The following RARA variants were observed in gnomAD, a reference collection of about 807,000 sequenced individuals.
RARA encodes the protein retinoic acid receptor alpha.
Under a neutral mutation model 42.8 loss-of-function variants are expected in RARA, and 5 were observed. The ratio of observed to expected loss-of-function variants is 0.12; its 90% CI spans 0.06 to 0.25. The LOEUF is 0.25. Among genes scored for constraint, RARA ranks in the 10% least tolerant of loss-of-function variants. RARA has a pLI of 1.00. For synonymous variants in RARA, 256 were observed against 259.5 expected (o/e 0.99, Z 0.13); for missense variants, 402 against 628.7 (o/e 0.64, Z 3.86).
rs932266587 is a variant in RARA at position 40,356,750 on chromosome 17, AT to A, written c.*531del. ...TCTCGCTGGTTTTGTTTTTATTTTA[AT>A]TTTTTTGTTTTGATTTTTTTAATAA... On this transcript the variant is annotated 3_prime_UTR_variant, in exon 9 of 9. Coordinates refer to ENST00000254066, the MANE Select transcript of RARA (RefSeq NM_000964.4). 5 of 518,548 alleles carry A rather than the reference AT, an allele frequency of 9.6e-6. No homozygotes were observed. The highest frequency in any genetic ancestry group is 3.9e-5 in the African/African-American group (2 of 50,780). The allele number at this position is 518,548 out of a possible 1,614,324, so 32.1% of individuals were successfully genotyped here.
Position 40,345,471 on chromosome 17 carries a change from G to A in RARA, c.179-2845G>A, listed in dbSNP as rs1265215928. On this transcript the variant is annotated intron_variant, in intron 2 of 8. Coordinates refer to ENST00000254066, the MANE Select transcript of RARA (RefSeq NM_000964.4). The surrounding 1 kb of genome is among the most constrained non-coding windows in gnomAD (Gnocchi z 4.8). ...CCTCCAGGAAACCGGCCCCTTGTGC[G>A]AGCCTGCGAACGGCTCGGGGGCGTG... 6.6e-6 allele frequency among the ~76,000 whole-genome samples: 1 copy of A among 152,260 alleles called. No individual in the cohort carries two copies. Among genetic ancestry groups the A allele is most frequent in the Non-Finnish European group, 1.5e-5 (1 of 68,050 alleles).
intron 1 of RARA, among the ~76,000 whole-genome samples, chr17:40,314,886 T>C (rs1348667479): frequency 1.3e-5 from 2 of 151,764 alleles, no homozygotes; most frequent in Non-Finnish European, 2.9e-5. Context: ...TGGAGGGCTA[T>C]GTGTGCAGCC....
In RARA at chr17:40,342,810, G is replaced by A. The variant is rs752986550; in HGVS notation, c.179-5506G>A. Reference sequence around the variant, plus strand: ...TTTGCTCCCAGAGAAGGGGCTCCCCGCCCCGGGTCCGTACTCCACCCCGCT... The same window carrying A: ...TTTGCTCCCAGAGAAGGGGCTCCCCACCCCGGGTCCGTACTCCACCCCGCT... On this transcript the variant is annotated intron_variant, in intron 2 of 8. Transcript: ENST00000254066. 7 of 1,612,906 alleles carry A rather than the reference G, an allele frequency of 4.3e-6. 1 individual carries two copies. The highest frequency in any genetic ancestry group is 1.7e-5 in the Admixed American group (1 of 60,012).
At chr17:40,337,516 A>C (rs988694540) in intron 2 of RARA, among the ~76,000 whole-genome samples, 5 of 152,084 alleles carry the variant, frequency 3.3e-5, no homozygotes, top group African/African-American at 1.2e-4. Flanking sequence ...CCACCCCCAA[A>C]TCTGCCCGCT....
Position 40,331,345 on chromosome 17 carries a change from A to G in RARA, c.127A>G (p.Thr43Ala). The stretch of plus-strand genomic sequence containing the variant: ...ACTCTCCCCGCCAGGCGCTCTGACC[A>G]CTCTCCAGCACCAGCTTCCAGTTAG... ...GGLSPPGALTTLQHQLPVSGY... is the reference protein window; with the variant it reads ...GGLSPPGALTALQHQLPVSGY... Residue 43 changes from threonine to alanine, a missense_variant, in exon 2 of 9, where the codon ACT becomes GCT. Physicochemically the swap from Thr to Ala is moderately conservative, Grantham distance 58. Around this residue, in one of 5 missense-constraint regions of RARA, gnomAD observed 91 missense variants for 105.2 expected, o/e 0.87. Transcript: ENST00000254066. 6.2e-7 allele frequency: 1 copy of G among 1,613,366 alleles called. No individual in the cohort carries two copies. The highest frequency in any genetic ancestry group is 1.3e-5 in the African/African-American group (1 of 74,848).
In RARA at chr17:40,356,005, G is replaced by T; in HGVS notation, c.1172-4G>T. On this transcript the variant is annotated splice_region_variant and splice_polypyrimidine_tract_variant and intron_variant, in intron 8 of 8. Coordinates refer to ENST00000254066, the MANE Select transcript of RARA (RefSeq NM_000964.4). The stretch of plus-strand genomic sequence containing the variant: ...GCTGACCTCTGCCCCCTCCTTTCCT[G>T]CAGGGGCTGAGCGGGTGATCACGCT... 1 of 1,594,266 alleles carries T rather than the reference G, an allele frequency of 6.3e-7. No individual in the cohort carries two copies. Among genetic ancestry groups the T allele is most frequent in the Admixed American group, 1.7e-5 (1 of 57,552 alleles).
chr17:40,340,471 C>G (rs1298670787), intron 2 of RARA, among the ~76,000 whole-genome samples: 2 of 152,178 alleles, frequency 1.3e-5, no homozygotes, highest in African/African-American at 4.8e-5. Flanking sequence ...AATTTTGTGC[C>G]CCATGATTCT....
Position 40,352,524 on chromosome 17 carries a change from T to C in RARA, c.807+17T>C. On this transcript the variant is annotated intron_variant, in intron 6 of 8. Coordinates refer to ENST00000254066, the MANE Select transcript of RARA (RefSeq NM_000964.4). This position sits in a 1 kb window ranked among gnomAD's most constrained non-coding sequence, Gnocchi z 4.9. ...GACATCCTGGTGAGGGTCTGCACCC[T>C]GGCCCCCAGGCACTGCCCCTGTGTC... 1 of 1,572,690 alleles carries C rather than the reference T, an allele frequency of 6.4e-7. No individual in the cohort carries two copies. Among genetic ancestry groups the C allele is most frequent in the South Asian group, 1.2e-5 (1 of 85,890 alleles).
intron 1 of RARA, among the ~76,000 whole-genome samples, chr17:40,312,301 T>C (rs1185930670): frequency 1.3e-5 from 2 of 152,188 alleles, no homozygotes; most frequent in African/African-American, 4.8e-5. Context: ...CAGGCACTTA[T>C]GGGCAGGCCT....
intron 1 of RARA, among the ~76,000 whole-genome samples, chr17:40,328,668 T>C (rs1288720541): frequency 6.6e-6 from 1 of 152,236 alleles, no homozygotes; most frequent in East Asian, 1.9e-4. Flanking sequence ...GGATATTTCA[T>C]ATAAATGGAA....
chr17:40,340,862 G>C, intron 2 of RARA: 1 of 400,192 alleles, frequency 2.5e-6, no homozygotes, highest in Non-Finnish European at 4.4e-6. Flanking sequence ...TTTGGCAGCA[G>C]GAAGTTCAAA....
rs1049189600 is a variant in RARA at position 40,341,783 on chromosome 17, G to A, written c.179-6533G>A. ...CCACCACCTCCTCCACCACGGCTTC[G>A]CTCGGCCAGGGACTGACCAAACCTT... On this transcript the variant is annotated intron_variant, in intron 2 of 8. Coordinates refer to ENST00000254066, the MANE Select transcript of RARA (RefSeq NM_000964.4). 6.2e-5 allele frequency: 80 copies of A among 1,286,624 alleles called. No individual in the cohort carries two copies. In the Middle Eastern group the frequency reaches 2.0e-3, roughly 33 times the overall value. The allele number at this position is 1,286,624 out of a possible 1,614,324, so 79.7% of individuals were successfully genotyped here. A position where few individuals can be genotyped will look rare whatever the true frequency, so the allele number is the denominator to read the frequency against.
At chr17:40,348,239 C>T (rs1483842262) in intron 2 of RARA, 77 bp from the exon 3 acceptor site, 38 of 1,456,092 alleles carry the variant, frequency 2.6e-5, no homozygotes, top group African/African-American at 1.0e-4. Context: ...TTAGGAGGGA[C>T]GGTGAGGCAG....
rs567453319 is a variant in RARA, at chr17:40,355,576, G to C, written c.1171+155G>C. On this transcript the variant is annotated intron_variant, in intron 8 of 8. Coordinates refer to ENST00000254066, the MANE Select transcript of RARA (RefSeq NM_000964.4). This position sits in a 1 kb window ranked among gnomAD's most constrained non-coding sequence, Gnocchi z 4.1. ...TCCCCTAGTGACTCCACTTTGCCGA[G>C]GTGGCCCGCCTGTGTCACCTTTGTG... 6.6e-6 allele frequency among the ~76,000 whole-genome samples: 1 copy of C among 152,348 alleles called. No homozygotes were observed. Among genetic ancestry groups the C allele is most frequent in the Admixed American group, 6.5e-5 (1 of 15,308 alleles).
Position 40,355,958 on chromosome 17 carries a change from G to C in RARA, c.1172-51G>C, listed in dbSNP as rs781580390. 2 of 1,500,238 alleles carry C rather than the reference G, an allele frequency of 1.3e-6. No individual in the cohort carries two copies. The highest frequency in any genetic ancestry group is 1.8e-6 in the Non-Finnish European group (2 of 1,107,934). The allele number at this position is 1,500,238 out of a possible 1,614,324, so 92.9% of individuals were successfully genotyped here. A position where few individuals can be genotyped will look rare whatever the true frequency, so the allele number is the denominator to read the frequency against. ...TCGAGCCAGGCTTGCTGGGGCTGGG[G>C]GTGGGAGGGCTGGCCCAGCGTGCTG... On this transcript the variant is annotated intron_variant, in intron 8 of 8. Coordinates refer to ENST00000254066, the MANE Select transcript of RARA (RefSeq NM_000964.4). The surrounding 1 kb of genome is among the most constrained non-coding windows in gnomAD (Gnocchi z 4.1).
At chr17:40,314,827 CA>C (rs2033161172) in intron 1 of RARA, among the ~76,000 whole-genome samples, 1 of 150,658 alleles carries the variant, frequency 6.6e-6, no homozygotes, top group South Asian at 2.1e-4. Context: ...GCAGCTGAGT[CA>C]CCCAGCCATG....
rs996352460 is a variant in RARA at position 40,356,234 on chromosome 17, C to T, written c.*8C>T. ...GCCACCCACTCCCCGTGACCGCCCA[C>T]GCCACATGGACACAGCCCTCGCCCT... On this transcript the variant is annotated 3_prime_UTR_variant, in exon 9 of 9. Transcript: ENST00000254066. 2.0e-5 allele frequency: 31 copies of T among 1,549,298 alleles called. No individual in the cohort carries two copies. The highest frequency in any genetic ancestry group is 7.3e-5 in the East Asian group (3 of 40,912).
intron 2 of RARA, among the ~76,000 whole-genome samples, chr17:40,332,630 G>T (rs2033729569): frequency 6.6e-6 from 1 of 152,236 alleles, no homozygotes; most frequent in Admixed American, 6.5e-5. Flanking sequence ...CTCTGGCTTA[G>T]CTGTGGCCCC....
intron 2 of RARA, 56 bp from the exon 3 acceptor site, chr17:40,348,260 G>T (rs979134923): frequency 1.3e-6 from 2 of 1,484,878 alleles, no homozygotes; most frequent in Non-Finnish European, 1.8e-6. Context: ...GGTGGAGCTT[G>T]GTACTAAGGA....
Sources: gnomAD v4.1 joint callset for allele counts (sites outside exome capture counted in the v4.1 genomes callset) on GRCh38, gnomAD v4.1.1 for gene constraint, gnomAD v4.1.1 regional missense constraint, Gnocchi (gnomAD v3.1) non-coding constraint, MANE v1.5 for transcripts, NCBI Gene and HGNC (gene_info 2026-07-23, HGNC 2026-07-21) for gene names.